The following TMEM132D variants were observed in gnomAD, a reference collection of about 807,000 sequenced individuals.
The protein encoded by TMEM132D is transmembrane protein 132D.
TMEM132D carries 21 observed loss-of-function variants against 62.3 expected under a neutral mutation model. The observed-to-expected ratio is 0.34, with a 90% CI of 0.24 to 0.49. The LOEUF is 0.49. TMEM132D is among the 20% of genes least tolerant of loss of function. The pLI is 0.99. For missense variants in TMEM132D, 1,346 were observed against 1,402.8 expected (o/e 0.96, Z 0.65); for synonymous variants, 621 against 575.6 (o/e 1.08, Z -1.13).
At chr12:129,652,983 G>A (rs1213629702) in intron 2 of TMEM132D, among the ~76,000 whole-genome samples, 1 of 152,204 alleles carries the variant, frequency 6.6e-6, no homozygotes, top group East Asian at 1.9e-4. Flanking sequence ...ATTTAAAATT[G>A]TCTTACATCT....
At chr12:129,731,864 G>A (rs1010373499) in intron 1 of TMEM132D, among the ~76,000 whole-genome samples, 10 of 152,036 alleles carry the variant, frequency 6.6e-5, no homozygotes, top group East Asian at 1.9e-4. Context: ...GGGTTTCACC[G>A]TGTGAGCCAG....
intron 3 of TMEM132D, among the ~76,000 whole-genome samples, chr12:129,421,022 C>T (rs991120914): frequency 6.8e-5 from 10 of 146,422 alleles, no homozygotes; most frequent in Admixed American, 2.8e-4. Context: ...AGTGCAGTGG[C>T]GCAATCTCAG....
At chr12:129,738,994 T>C (rs1348502881) in intron 1 of TMEM132D, among the ~76,000 whole-genome samples, 1 of 152,084 alleles carries the variant, frequency 6.6e-6, no homozygotes, top group Non-Finnish European at 1.5e-5. Flanking sequence ...CTCACAGTCT[T>C]ACCCCAAATC....
intron 1 of TMEM132D, among the ~76,000 whole-genome samples, chr12:129,741,327 C>T (rs7132662): frequency 0.011 from 1,669 of 152,236 alleles, 31 homozygotes; most frequent in African/African-American, 0.039. Flanking sequence ...ACAGAGACTG[C>T]TTCCTAGGAT....
chr12:129,657,322 G>A (rs1325126023), intron 2 of TMEM132D, among the ~76,000 whole-genome samples: 1 of 152,276 alleles, frequency 6.6e-6, no homozygotes, highest in East Asian at 1.9e-4. Context: ...GTAAGTCAGG[G>A]AACAATGGGA....
intron 2 of TMEM132D, among the ~76,000 whole-genome samples, chr12:129,686,762 C>T (rs1880930893): frequency 1.3e-5 from 2 of 152,126 alleles, no homozygotes; most frequent in African/African-American, 4.8e-5. Flanking sequence ...ATGTTCACAC[C>T]CATTCATATT....
In TMEM132D at chr12:129,425,261, T is replaced by C. The variant is rs1872459579; in HGVS notation, c.1116-87444A>G. 3.3e-5 allele frequency among the ~76,000 whole-genome samples: 5 copies of C among 152,228 alleles called. No homozygotes were observed. In the South Asian group the frequency reaches 1.0e-3, roughly 32 times the overall value. On this transcript the variant is annotated intron_variant, in intron 3 of 8. Coordinates refer to ENST00000422113, the MANE Select transcript of TMEM132D (RefSeq NM_133448.3). ...TCTGTAATTTCATCTGTTGTGCAGA[T>C]ATCTAGCACTTGAAACTGCTGGCCC...
intron 5 of TMEM132D, among the ~76,000 whole-genome samples, chr12:129,100,856 A>C (rs1272273002): frequency 6.6e-6 from 1 of 152,226 alleles, no homozygotes; most frequent in African/African-American, 2.4e-5. Context: ...AATGAAATGG[A>C]ATTCAAATGG....
At chr12:129,724,530 T>C (rs1868958247) in intron 1 of TMEM132D, among the ~76,000 whole-genome samples, 2 of 152,174 alleles carry the variant, frequency 1.3e-5, no homozygotes, top group Non-Finnish European at 2.9e-5. Flanking sequence ...TCTGTTTTTG[T>C]TTTTGTTTTG....
At chr12:129,288,701 T>A (rs1419059025) in intron 4 of TMEM132D, among the ~76,000 whole-genome samples, 2 of 152,140 alleles carry the variant, frequency 1.3e-5, no homozygotes, top group Non-Finnish European at 2.9e-5. Context: ...AGGAGGTTCC[T>A]CAAAAGGATT....
intron 5 of TMEM132D, among the ~76,000 whole-genome samples, chr12:129,200,278 T>C (rs1400774596): frequency 6.6e-6 from 1 of 152,166 alleles, no homozygotes; most frequent in South Asian, 2.1e-4. Context: ...AAGTGTCTAT[T>C]GGGAGGCCAG....
intron 4 of TMEM132D, among the ~76,000 whole-genome samples, chr12:129,226,109 C>A (rs2135575932): frequency 6.6e-6 from 1 of 152,300 alleles, no homozygotes; most frequent in East Asian, 1.9e-4. Flanking sequence ...GTTATTTTCG[C>A]ATCATGTGTT....
chr12:129,515,767 T>C, intron 3 of TMEM132D, among the ~76,000 whole-genome samples: 1 of 152,172 alleles, frequency 6.6e-6, no homozygotes, highest in East Asian at 1.9e-4. Flanking sequence ...ACGGACCATA[T>C]CCCCTTCTGT....
At chr12:129,547,860 G>A (rs1379999746) in intron 2 of TMEM132D, among the ~76,000 whole-genome samples, 3 of 152,206 alleles carry the variant, frequency 2.0e-5, no homozygotes, top group South Asian at 2.1e-4. Context: ...GCACAGAGAG[G>A]TTGAGTAGCT....
At chr12:129,618,796 G>C (rs1277289937) in intron 2 of TMEM132D, among the ~76,000 whole-genome samples, 1 of 152,158 alleles carries the variant, frequency 6.6e-6, no homozygotes, top group African/African-American at 2.4e-5. Flanking sequence ...AGCCTCAGGA[G>C]GTCCTGACAT....
intron 4 of TMEM132D, among the ~76,000 whole-genome samples, chr12:129,332,347 G>A (rs951980648): frequency 6.6e-6 from 1 of 151,946 alleles, no homozygotes; most frequent in African/African-American, 2.4e-5. Context: ...GCAAACTATT[G>A]AAGAAGACTT....
At chr12:129,840,444 A>G (rs1223423040) in intron 1 of TMEM132D, 1 of 152,186 alleles carries the variant, frequency 6.6e-6, no homozygotes, top group Non-Finnish European at 1.5e-5. Context: ...CTCTCAGTAA[A>G]CGGTTCCCCG....
intron 2 of TMEM132D, among the ~76,000 whole-genome samples, chr12:129,607,262 G>A (rs1250937867): frequency 1.3e-5 from 2 of 152,180 alleles, no homozygotes; most frequent in Non-Finnish European, 1.5e-5. Flanking sequence ...ATCTCTGGGA[G>A]CCTGGGTGTA....
At chr12:129,368,190 A>G (rs922490362) in intron 3 of TMEM132D, among the ~76,000 whole-genome samples, 1 of 152,180 alleles carries the variant, frequency 6.6e-6, no homozygotes, top group Admixed American at 6.5e-5. Context: ...AGCTAAAGAA[A>G]TGTAATGTCT....
Sources: gnomAD v4.1 joint callset for allele counts (sites outside exome capture counted in the v4.1 genomes callset) on GRCh38, gnomAD v4.1.1 for gene constraint, MANE v1.5 for transcripts, NCBI Gene and HGNC (gene_info 2026-07-23, HGNC 2026-07-21) for gene names.